The following COL4A1 variants were observed in gnomAD, a reference collection of about 807,000 sequenced individuals.
COL4A1 encodes collagen type IV alpha 1 chain.
A neutral mutation model predicts 216.6 loss-of-function variants in COL4A1; 40 were observed. The ratio of observed to expected loss-of-function variants is 0.18; its 90% CI spans 0.14 to 0.24. The LOEUF is 0.24. Ranked by LOEUF, COL4A1 falls within the 10% of genes least tolerant of loss-of-function variation. The pLI is 1.00. For missense variants in COL4A1, 1,628 were observed against 2,196.8 expected (o/e 0.74, Z 5.18); for synonymous variants, 839 against 810.7 (o/e 1.03, Z -0.59).
intron 15 of COL4A1, 126 bp downstream of exon 15, chr13:110,206,539 G>T: frequency 9.2e-7 from 1 of 1,088,434 alleles, no homozygotes; most frequent in Non-Finnish European, 1.4e-6. Flanking sequence ...AAAGCCCTTC[G>T]GGGCATGAAA....
At chr13:110,264,206 C>T (rs497888) in intron 1 of COL4A1, among the ~76,000 whole-genome samples, 12,156 of 152,148 alleles carry the variant, frequency 0.08, 717 homozygotes, top group East Asian at 0.32. Flanking sequence ...GTCAAAGGAC[C>T]GCAGACTCTG....
At chr13:110,163,592 T>C in intron 46 of COL4A1, 31 bp from the exon 47 acceptor site, 1 of 1,568,766 alleles carries the variant, frequency 6.4e-7, no homozygotes. Context: ...TTTATGATCC[T>C]GTATGGCAGT....
At chr13:110,288,815 C>G (rs1038120786) in intron 1 of COL4A1, among the ~76,000 whole-genome samples, 1 of 152,112 alleles carries the variant, frequency 6.6e-6, no homozygotes, top group Non-Finnish European at 1.5e-5. Flanking sequence ...GGGCAGATCA[C>G]GAGGTCAGGA....
chr13:110,190,591 C>T (rs1468686995), intron 24 of COL4A1, among the ~76,000 whole-genome samples: 3 of 152,328 alleles, frequency 2.0e-5, no homozygotes, highest in African/African-American at 7.2e-5. Context: ...GAGCATTTCA[C>T]ATTTTAATCT....
intron 1 of COL4A1, among the ~76,000 whole-genome samples, chr13:110,266,377 C>A (rs1028359161): frequency 6.6e-6 from 1 of 152,174 alleles, no homozygotes; most frequent in Admixed American, 6.5e-5. Flanking sequence ...TCTGTCGCCA[C>A]GAATCCTAGC....
intron 2 of COL4A1, among the ~76,000 whole-genome samples, chr13:110,238,701 C>T (rs964005197): frequency 3.9e-5 from 6 of 152,144 alleles, no homozygotes; most frequent in African/African-American, 1.2e-4. Context: ...TTGGACACTG[C>T]AGGGTCACAG....
intron 2 of COL4A1, among the ~76,000 whole-genome samples, chr13:110,224,290 A>G (rs919485616): frequency 4.6e-5 from 7 of 152,232 alleles, no homozygotes; most frequent in African/African-American, 1.7e-4. Flanking sequence ...AATATCAATA[A>G]GAGGTTAGCT....
At chr13:110,155,743 T>A (rs535713236) in intron 49 of COL4A1, among the ~76,000 whole-genome samples, 30 of 152,268 alleles carry the variant, frequency 2.0e-4, no homozygotes, top group African/African-American at 6.7e-4. Flanking sequence ...AAACGCTGTC[T>A]CTACTAAAAA....
chr13:110,267,745 T>A (rs540308960), intron 1 of COL4A1, among the ~76,000 whole-genome samples: 134 of 152,326 alleles, frequency 8.8e-4, no homozygotes, highest in African/African-American at 3.1e-3. Flanking sequence ...ATTTTCAGAT[T>A]CAATGGTTCC....
intron 43 of COL4A1, among the ~76,000 whole-genome samples, chr13:110,169,046 C>T (rs924169619): frequency 3.3e-5 from 5 of 152,106 alleles, no homozygotes; most frequent in Admixed American, 1.3e-4. Flanking sequence ...CAAAGTCACA[C>T]ACACACACAC....
chr13:110,241,647 T>TC (rs1881573093), intron 2 of COL4A1, among the ~76,000 whole-genome samples: 1 of 152,198 alleles, frequency 6.6e-6, no homozygotes, highest in African/African-American at 2.4e-5. Context: ...CCTTACATAC[T>TC]CCATTCATTC....
At chr13:110,173,587 T>C (rs561185842) in intron 40 of COL4A1, among the ~76,000 whole-genome samples, 1 of 152,282 alleles carries the variant, frequency 6.6e-6, no homozygotes, top group African/African-American at 2.4e-5. Context: ...TGTTTTGTCA[T>C]AGCAACCACA....
At chr13:110,177,548 A>G (rs933125282) in intron 33 of COL4A1, among the ~76,000 whole-genome samples, 5 of 152,318 alleles carry the variant, frequency 3.3e-5, no homozygotes, top group African/African-American at 1.2e-4. Context: ...CGGTCCCTGT[A>G]TCTTGGCATG....
At chr13:110,303,316 G>C (rs1884566311) in intron 1 of COL4A1, among the ~76,000 whole-genome samples, 1 of 151,968 alleles carries the variant, frequency 6.6e-6, no homozygotes, top group African/African-American at 2.4e-5. Flanking sequence ...CCACCTCCGA[G>C]AAAAGGGACA....
chr13:110,270,289 G>A (rs1883198948), intron 1 of COL4A1, among the ~76,000 whole-genome samples: 1 of 152,188 alleles, frequency 6.6e-6, no homozygotes, highest in Non-Finnish European at 1.5e-5. Context: ...GCATAACAGT[G>A]CAACCTTCCT....
At chr13:110,270,800 G>A (rs916831842) in intron 1 of COL4A1, among the ~76,000 whole-genome samples, 2 of 152,164 alleles carry the variant, frequency 1.3e-5, no homozygotes, top group African/African-American at 4.8e-5. Context: ...AGGTCTAGAA[G>A]CAAAGACACC....
intron 2 of COL4A1, among the ~76,000 whole-genome samples, chr13:110,222,709 C>T (rs1880553383): frequency 8.1e-6 from 1 of 123,800 alleles, no homozygotes; most frequent in South Asian, 2.8e-4. Context: ...GGAGGCAGAG[C>T]TTGCAGTGAG....
At chr13:110,283,725 T>C (rs1883729000) in intron 1 of COL4A1, among the ~76,000 whole-genome samples, 1 of 152,196 alleles carries the variant, frequency 6.6e-6, no homozygotes, top group Admixed American at 6.5e-5. Context: ...CTGCCATCTG[T>C]GAGCTCATCT....
At chr13:110,175,163 C>A (rs897232635) in intron 37 of COL4A1, 55 bp downstream of exon 37, 2 of 1,603,522 alleles carry the variant, frequency 1.2e-6, no homozygotes, top group Non-Finnish European at 1.7e-6. Flanking sequence ...ATTTCTCAGG[C>A]AGCATCTCCA....
Sources: gnomAD v4.1 joint callset for allele counts (sites outside exome capture counted in the v4.1 genomes callset) on GRCh38, gnomAD v4.1.1 for gene constraint, MANE v1.5 for transcripts, NCBI Gene and HGNC (gene_info 2026-07-23, HGNC 2026-07-21) for gene names.